The following EPHA3 variants were observed in gnomAD, a reference collection of about 807,000 sequenced individuals.
The protein encoded by EPHA3 is ephrin type-A receptor 3.
A neutral mutation model predicts 107.1 loss-of-function variants in EPHA3; 42 were observed. That is an observed-to-expected ratio of 0.39 (90% CI 0.31 to 0.51). The LOEUF is 0.51. EPHA3 is among the 20% of genes least tolerant of loss of function. The probability of loss-of-function intolerance (pLI) is 0.78; values close to 1 mark genes in which losing one functional copy is unlikely to be tolerated. For missense variants in EPHA3, 1,183 were observed against 1,211.2 expected (o/e 0.98, Z 0.35); for synonymous variants, 461 against 424.8 (o/e 1.09, Z -1.05).
At chr3:89,366,992 C>G (rs1708197380) in intron 5 of EPHA3, among the ~76,000 whole-genome samples, 1 of 150,600 alleles carries the variant, frequency 6.6e-6, no homozygotes. Context: ...CCTATCTTCA[C>G]TTGATATTAC....
rs1559758128 is a variant in EPHA3 at position 89,161,214 on chromosome 3, A to AG, written c.153+33941_153+33942insG. ...GGACCATGCCATATTAGAAACTAGA[A>AG]TAAAAAAGGAAAATGTTTGAATGGG... On this transcript the variant is annotated intron_variant, in intron 2 of 16. Transcript: ENST00000336596. 1.3e-4 allele frequency among the ~76,000 whole-genome samples: 18 copies of AG among 141,906 alleles called. 1 individual carries two copies. In the East Asian group the frequency reaches 3.5e-3, roughly 28 times the overall value. The allele number at this position is 141,906 out of a possible 152,430, so 93.1% of individuals were successfully genotyped here.
At chr3:89,431,586 TC>T (rs1407155036) in intron 13 of EPHA3, among the ~76,000 whole-genome samples, 5 of 152,232 alleles carry the variant, frequency 3.3e-5, no homozygotes, top group Non-Finnish European at 5.9e-5. Context: ...AGTTTAATGT[TC>T]CCCACCAAAA....
At chr3:89,192,326 A>G (rs1705738943) in intron 2 of EPHA3, among the ~76,000 whole-genome samples, 1 of 152,190 alleles carries the variant, frequency 6.6e-6, no homozygotes. Context: ...CTGATATTGA[A>G]AATGATGTAC....
At chr3:89,457,095 G>A (rs1710112468) in intron 15 of EPHA3, among the ~76,000 whole-genome samples, 1 of 152,120 alleles carries the variant, frequency 6.6e-6, no homozygotes, top group African/African-American at 2.4e-5. Context: ...TATGCAAAAG[G>A]GACTTTTGGA....
At chr3:89,135,318 T>A (rs952861542) in intron 2 of EPHA3, among the ~76,000 whole-genome samples, 1 of 152,184 alleles carries the variant, frequency 6.6e-6, no homozygotes, top group Non-Finnish European at 1.5e-5. Flanking sequence ...CTTACAATTA[T>A]ACATTAATGC....
At chr3:89,419,494 T>C in intron 11 of EPHA3, 104 bp downstream of exon 11, 2 of 988,266 alleles carry the variant, frequency 2.0e-6, no homozygotes, top group South Asian at 4.0e-5. Context: ...CATAAGTATC[T>C]CAGTTTTACC....
intron 2 of EPHA3, among the ~76,000 whole-genome samples, chr3:89,205,948 A>G (rs1706091838): frequency 6.6e-6 from 1 of 152,172 alleles, no homozygotes; most frequent in African/African-American, 2.4e-5. Context: ...TACATTTACA[A>G]AGCATGAGCA....
chr3:89,472,424 A>T, intron 15 of EPHA3, 40 bp from the exon 16 acceptor site: 1 of 1,592,632 alleles, frequency 6.3e-7, no homozygotes, highest in East Asian at 2.2e-5. Flanking sequence ...AACTCTGCTG[A>T]CTCCTGATCT....
rs761960062 is a variant in EPHA3, at chr3:89,107,769, C to T, written c.21C>T (p.Ile7=). MDCQLS[I]LLLLSCSVLD... is the part of the protein sequence containing the mutation. ...GCAACATGGATTGTCAGCTCTCCAT[C>T]CTCCTCCTTCTCAGCTGCTCTGTTC... is the stretch of plus-strand genomic sequence containing the variant. The change falls in exon 1 of 17, where the codon ATC becomes ATT. Residue 7 remains isoleucine, a synonymous_variant. Transcript: ENST00000336596. The T allele has an allele frequency of 1.9e-6, 3 of 1,614,188 alleles. No individual in the cohort carries two copies. The highest frequency in any genetic ancestry group is 1.1e-5 in the South Asian group (1 of 91,088).
intron 11 of EPHA3, among the ~76,000 whole-genome samples, chr3:89,427,179 G>C (rs1709473805): frequency 2.6e-5 from 4 of 151,780 alleles, no homozygotes; most frequent in Admixed American, 2.6e-4. Context: ...GTATCAAGTG[G>C]TTGTAACATG....
intron 5 of EPHA3, among the ~76,000 whole-genome samples, chr3:89,355,874 G>A (rs748590296): frequency 1.1e-4 from 16 of 149,446 alleles, no homozygotes; most frequent in Non-Finnish European, 1.9e-4. Context: ...GGGTACATGT[G>A]AACAATGTGC....
At chr3:89,316,746 A>G (rs1706917645) in intron 3 of EPHA3, among the ~76,000 whole-genome samples, 1 of 151,318 alleles carries the variant, frequency 6.6e-6, no homozygotes, top group African/African-American at 2.4e-5. Context: ...TTATGTTAAA[A>G]CAATGCCTTT....
intron 5 of EPHA3, among the ~76,000 whole-genome samples, 200 bp downstream of exon 5, chr3:89,342,290 T>A (rs574229945): frequency 6.6e-6 from 1 of 152,154 alleles, no homozygotes; most frequent in African/African-American, 2.4e-5. Context: ...TTAGGTGATT[T>A]TTAAACTAGT....
intron 3 of EPHA3, among the ~76,000 whole-genome samples, chr3:89,298,810 A>T (rs1262829632): frequency 1.3e-5 from 2 of 152,148 alleles, no homozygotes; most frequent in East Asian, 3.9e-4. Context: ...AAAGTAATAT[A>T]TGATTAACTG....
intron 2 of EPHA3, among the ~76,000 whole-genome samples, chr3:89,197,158 A>T (rs1330615335): frequency 2.0e-5 from 3 of 152,156 alleles, no homozygotes; most frequent in African/African-American, 7.2e-5. Flanking sequence ...ATGACCTTCT[A>T]CTCAACTACT....
chr3:89,397,755 G>A (rs553999175), intron 6 of EPHA3, among the ~76,000 whole-genome samples: 1 of 152,030 alleles, frequency 6.6e-6, no homozygotes, highest in African/African-American at 2.4e-5. Flanking sequence ...AACTAATTTT[G>A]TATTTTTAGT....
At chr3:89,291,180 C>T (rs1481969761) in intron 3 of EPHA3, among the ~76,000 whole-genome samples, 8 of 152,166 alleles carry the variant, frequency 5.3e-5, no homozygotes, top group Non-Finnish European at 1.5e-5. Flanking sequence ...AAATCTCTTT[C>T]TCCTCTAATA....
At chr3:89,216,228 A>T (rs1414661540) in intron 3 of EPHA3, among the ~76,000 whole-genome samples, 1 of 151,928 alleles carries the variant, frequency 6.6e-6, no homozygotes, top group African/African-American at 2.4e-5. Context: ...ATCAGAAAAT[A>T]ATTTTGGTTG....
chr3:89,337,747 T>G (rs772600554), intron 3 of EPHA3, among the ~76,000 whole-genome samples: 1 of 152,224 alleles, frequency 6.6e-6, no homozygotes, highest in Admixed American at 6.5e-5. Context: ...TAGGCTATTA[T>G]TCTATTTAAT....
Sources: gnomAD v4.1 joint callset for allele counts (sites outside exome capture counted in the v4.1 genomes callset) on GRCh38, gnomAD v4.1.1 for gene constraint, MANE v1.5 for transcripts, NCBI Gene and HGNC (gene_info 2026-07-23, HGNC 2026-07-21) for gene names.